The following GLYATL3 variants were observed in gnomAD, a reference collection of about 807,000 sequenced individuals.
The protein encoded by GLYATL3 is glycine-N-acyltransferase like 3, also known as glycine N-acyltransferase-like protein 3.
GLYATL3 carries 31 observed loss-of-function variants against 28.5 expected under a neutral mutation model. The observed-to-expected ratio is 1.09, with a 90% CI of 0.82 to 1.47. The LOEUF (loss-of-function observed/expected upper bound fraction) is 1.47. Ranked by LOEUF, GLYATL3 falls within the 40% of genes most tolerant of loss-of-function variation. The probability of loss-of-function intolerance (pLI) is 0.00; values close to 1 mark genes in which losing one functional copy is unlikely to be tolerated. For synonymous variants in GLYATL3, 141 were observed against 140.2 expected, an observed-to-expected ratio of 1.01 and a Z score of -0.04; for missense variants, 369 against 351.5, an observed-to-expected ratio of 1.05 and a Z score of -0.40.
intron 1 of GLYATL3, among the ~76,000 whole-genome samples, chr6:49,501,344 C>T (rs541753496): frequency 6.6e-6 from 1 of 152,132 alleles, no homozygotes; most frequent in African/African-American, 2.4e-5. Context: ...GGTGGATTGG[C>T]AGGTCGAGAA....
intron 5 of GLYATL3, among the ~76,000 whole-genome samples, chr6:49,525,692 C>T (rs903858696): frequency 1.3e-5 from 2 of 151,576 alleles, no homozygotes; most frequent in African/African-American, 2.4e-5. Context: ...AGATTTTATA[C>T]GCCAGACACA....
rs1354013810 is a variant in GLYATL3 at position 49,526,798 on chromosome 6, G to A, written c.751G>A (p.Asp251Asn). ...ATTCCCCTCTCAGGGGAACGTCCTG[G>A]ATGACAACACGGCGTCTATAAGCCT... Reference protein sequence around the residue: ...RGFPSQGNVLDDNTASISLLK... With the variant: ...RGFPSQGNVLNDNTASISLLK... Residue 251 changes from aspartate to asparagine, a missense_variant, in exon 6 of 6, where the codon GAT (aspartate) becomes AAT (asparagine). Asp to Asn is a conservative substitution (Grantham distance 23). Coordinates refer to ENST00000371197, the MANE Select transcript of GLYATL3 (RefSeq NM_001010904.2). 14 of 1,552,066 alleles carry A rather than the reference G, an allele frequency of 9.0e-6. No homozygotes were observed. The highest frequency in any genetic ancestry group is 1.1e-5 in the Non-Finnish European group (13 of 1,147,064).
chr6:49,522,327 G>A (rs1769330229), intron 5 of GLYATL3, among the ~76,000 whole-genome samples: 1 of 152,044 alleles, frequency 6.6e-6, no homozygotes, highest in African/African-American at 2.4e-5. Context: ...ATAGAGCCAA[G>A]AAAGAATCCC....
At chr6:49,510,450 G>C (rs539515097) in intron 1 of GLYATL3, among the ~76,000 whole-genome samples, 1 of 152,262 alleles carries the variant, frequency 6.6e-6, no homozygotes, top group African/African-American at 2.4e-5. Flanking sequence ...TGCTACTTCA[G>C]TATTCAGGCA....
At chr6:49,503,097 G>A (rs890087195) in intron 1 of GLYATL3, among the ~76,000 whole-genome samples, 1 of 151,612 alleles carries the variant, frequency 6.6e-6, no homozygotes, top group Non-Finnish European at 1.5e-5. Context: ...TTTATTTTGG[G>A]ATGGTACTCT....
intron 1 of GLYATL3, among the ~76,000 whole-genome samples, chr6:49,507,457 C>A (rs1468527283): frequency 6.6e-6 from 1 of 152,086 alleles, no homozygotes; most frequent in Non-Finnish European, 1.5e-5. Flanking sequence ...CTTGATTCCA[C>A]CCTGTTTAAG....
At chr6:49,514,065 T>C (rs1037801330) in intron 2 of GLYATL3, among the ~76,000 whole-genome samples, 17 of 152,218 alleles carry the variant, frequency 1.1e-4, no homozygotes, top group African/African-American at 3.4e-4. Flanking sequence ...CACAATTTAA[T>C]TATGAAATTT....
chr6:49,523,160 T>C (rs1769345102), intron 5 of GLYATL3, among the ~76,000 whole-genome samples: 1 of 152,096 alleles, frequency 6.6e-6, no homozygotes, highest in South Asian at 2.1e-4. Context: ...AAAGGGAGCA[T>C]TGTGTAAAGT....
intron 5 of GLYATL3, among the ~76,000 whole-genome samples, chr6:49,525,166 T>A (rs1435069316): frequency 6.7e-6 from 1 of 150,224 alleles, no homozygotes; most frequent in Admixed American, 6.7e-5. Flanking sequence ...TCAGAGAGGA[T>A]TTCAGCAGAG....
At chr6:49,524,277 C>CTGG (rs1769364644) in intron 5 of GLYATL3, among the ~76,000 whole-genome samples, 1 of 152,208 alleles carries the variant, frequency 6.6e-6, no homozygotes, top group African/African-American at 2.4e-5. Flanking sequence ...GGATAGATGA[C>CTGG]TGGCCCAGTT....
intron 1 of GLYATL3, among the ~76,000 whole-genome samples, chr6:49,501,887 C>A (rs1768920138): frequency 6.6e-6 from 1 of 152,176 alleles, no homozygotes; most frequent in Admixed American, 6.5e-5. Context: ...GCATTCCATT[C>A]CCAGAGCTAT....
chr6:49,507,212 C>G (rs946425715), intron 1 of GLYATL3, among the ~76,000 whole-genome samples: 1 of 152,012 alleles, frequency 6.6e-6, no homozygotes, highest in Non-Finnish European at 1.5e-5. Flanking sequence ...TCATCATCCA[C>G]GTTAACTTGT....
chr6:49,519,252 C>A (rs924654610), intron 4 of GLYATL3, among the ~76,000 whole-genome samples: 1 of 149,148 alleles, frequency 6.7e-6, no homozygotes, highest in East Asian at 2.0e-4. Flanking sequence ...TTTCCAATAT[C>A]TTTTTCAGAA....
At chr6:49,510,666 T>C (rs1769105859) in intron 1 of GLYATL3, among the ~76,000 whole-genome samples, 3 of 152,230 alleles carry the variant, frequency 2.0e-5, no homozygotes, top group South Asian at 2.1e-4. Context: ...GAAGAGATGA[T>C]GGCTGTACTT....
At chr6:49,524,038 T>G (rs1769360202) in intron 5 of GLYATL3, among the ~76,000 whole-genome samples, 2 of 151,996 alleles carry the variant, frequency 1.3e-5, no homozygotes, top group Admixed American at 1.3e-4. Flanking sequence ...ACAACACTGA[T>G]GCAAACAATT....
At chr6:49,522,650 A>G (rs893222567) in intron 5 of GLYATL3, among the ~76,000 whole-genome samples, 5 of 152,188 alleles carry the variant, frequency 3.3e-5, no homozygotes, top group Non-Finnish European at 5.9e-5. Context: ...CTGAAGCAAG[A>G]TAGTTAAAAA....
At chr6:49,520,118 G>T (rs890636305) in intron 4 of GLYATL3, among the ~76,000 whole-genome samples, 15 of 152,152 alleles carry the variant, frequency 9.9e-5, no homozygotes, top group Admixed American at 9.2e-4. Flanking sequence ...AACTTGTAAA[G>T]AAGACAAAAG....
At position 49,512,136 on chromosome 6, in the gene GLYATL3, G is replaced by C. The variant is rs1581868296; in HGVS notation, c.78+68G>C. On this transcript the variant is annotated intron_variant, in intron 2 of 5. Coordinates refer to ENST00000371197, the MANE Select transcript of GLYATL3 (RefSeq NM_001010904.2). Reference sequence around the variant, plus strand: ...TAATCTGTAAAATAATGTCAAACTTGTGGCTATTTTCCTTTTTTTCTGATA... The same window carrying C: ...TAATCTGTAAAATAATGTCAAACTTCTGGCTATTTTCCTTTTTTTCTGATA... 8 of 801,662 alleles carry C rather than the reference G, an allele frequency of 1.0e-5. No individual in the cohort carries two copies. The East Asian group carries it at 1.9e-4, about 19-fold the overall frequency. 49.7% of individuals were successfully genotyped at this position (801,662 alleles called of 1,614,324 possible). A position where few individuals can be genotyped will look rare whatever the true frequency, so the allele number is the denominator to read the frequency against.
At chr6:49,504,774 T>C (rs945542284) in intron 1 of GLYATL3, among the ~76,000 whole-genome samples, 7 of 152,198 alleles carry the variant, frequency 4.6e-5, no homozygotes, top group Admixed American at 3.9e-4. Flanking sequence ...GATCATTGTC[T>C]GTTTTGCGCT....
Sources: gnomAD v4.1 joint callset for allele counts (sites outside exome capture counted in the v4.1 genomes callset) on GRCh38, gnomAD v4.1.1 for gene constraint, MANE v1.5 for transcripts, NCBI Gene and HGNC (gene_info 2026-07-23, HGNC 2026-07-21) for gene names.